The following RCAN1 variants were observed in gnomAD, a reference collection of about 807,000 sequenced individuals.
RCAN1 encodes the protein calcipressin-1.
Under a neutral mutation model 22.9 loss-of-function variants are expected in RCAN1, and 11 were observed. The observed-to-expected ratio is 0.48, with a 90% confidence interval of 0.30 to 0.79. The LOEUF is 0.79. Among genes scored for constraint, RCAN1 ranks in the 30% least tolerant of loss-of-function variants. RCAN1 has a pLI of 0.06. For synonymous variants in RCAN1, 136 were observed against 142.3 expected, an observed-to-expected ratio of 0.96 and a Z score of 0.32; for missense variants, 291 against 337.8, an observed-to-expected ratio of 0.86 and a Z score of 1.09.
chr21:34,607,731 C>T (rs1988573821), intron 1 of RCAN1, among the ~76,000 whole-genome samples: 1 of 152,128 alleles, frequency 6.6e-6, no homozygotes, highest in East Asian at 1.9e-4. Flanking sequence ...AAAAAGTTTC[C>T]AAATTAAAAA....
intron 1 of RCAN1, among the ~76,000 whole-genome samples, chr21:34,540,351 C>T (rs1472107716): frequency 6.6e-6 from 1 of 152,116 alleles, no homozygotes. Flanking sequence ...GTGCTGCCTA[C>T]GTATTGTTCA....
intron 1 of RCAN1, among the ~76,000 whole-genome samples, chr21:34,590,058 C>T (rs150260246): frequency 1.3e-5 from 2 of 152,370 alleles, no homozygotes; most frequent in East Asian, 3.9e-4. Context: ...TCTGTTCACA[C>T]TGGCTTCCTG....
intron 1 of RCAN1, among the ~76,000 whole-genome samples, chr21:34,589,819 G>A (rs111540916): frequency 1.6e-3 from 243 of 152,232 alleles, no homozygotes; most frequent in African/African-American, 5.6e-3. Context: ...GTGGTTCTCA[G>A]GCCTTTGGAC....
intron 3 of RCAN1, among the ~76,000 whole-genome samples, chr21:34,520,621 C>G (rs1252345264): frequency 1.3e-5 from 2 of 152,186 alleles, no homozygotes; most frequent in South Asian, 4.1e-4. Flanking sequence ...AGCTGACGGT[C>G]TCAGCATTTA....
chr21:34,606,850 G>A (rs1415739797), intron 1 of RCAN1, among the ~76,000 whole-genome samples: 1 of 152,164 alleles, frequency 6.6e-6, no homozygotes, highest in East Asian at 1.9e-4. Context: ...CTGGGACCTC[G>A]ACCTCAGACT....
At chr21:34,613,922 T>G in intron 1 of RCAN1, 1 of 1,250,122 alleles carries the variant, frequency 8.0e-7, no homozygotes, top group Admixed American at 3.2e-5. Context: ...ATGGGGCATC[T>G]CTCAAAGACC....
chr21:34,538,707 GC>G (rs1164900397), intron 1 of RCAN1, among the ~76,000 whole-genome samples: 3 of 152,182 alleles, frequency 2.0e-5, no homozygotes, highest in Non-Finnish European at 2.9e-5. Context: ...GGAGGACCGG[GC>G]CTTGATACCC....
intron 1 of RCAN1, among the ~76,000 whole-genome samples, chr21:34,549,968 C>G (rs557545588): frequency 6.6e-5 from 10 of 152,174 alleles, no homozygotes; most frequent in Admixed American, 3.3e-4. Flanking sequence ...GATGTGCCTG[C>G]TGGTGGTGGC....
chr21:34,549,376 C>T (rs1407876017), intron 1 of RCAN1, among the ~76,000 whole-genome samples: 2 of 152,160 alleles, frequency 1.3e-5, no homozygotes, highest in Non-Finnish European at 2.9e-5. Flanking sequence ...TCTTTTATAG[C>T]AACGTTCATT....
intron 1 of RCAN1, among the ~76,000 whole-genome samples, chr21:34,605,798 T>C (rs1366100845): frequency 6.6e-6 from 1 of 151,674 alleles, no homozygotes. Context: ...CAGGCACCTG[T>C]AATCCCAGCT....
rs142439410 is a variant in RCAN1 at position 34,532,984 on chromosome 21, G to A, written c.253-9274C>T. 5.8e-3 allele frequency among the ~76,000 whole-genome samples: 852 copies of A among 146,692 alleles called. 12 individuals are homozygous for A. The highest frequency in any genetic ancestry group is 0.02 in the African/African-American group (802 of 40,068). On this transcript the variant is annotated intron_variant, in intron 1 of 3. Transcript: ENST00000313806. The stretch of plus-strand genomic sequence containing the variant: ...TAAACTTTTTTTTTTTTTTTGAGAC[G>A]GAGTCTTGCTCTGTCGCCCAGGCTG...
intron 1 of RCAN1, among the ~76,000 whole-genome samples, chr21:34,594,495 T>C (rs1988082820): frequency 6.6e-6 from 1 of 152,118 alleles, no homozygotes; most frequent in Admixed American, 6.6e-5. Context: ...GAGGTTGCAT[T>C]GAGCCAAGAT....
chr21:34,601,584 C>A (rs1363656697), intron 1 of RCAN1, among the ~76,000 whole-genome samples: 1 of 152,098 alleles, frequency 6.6e-6, no homozygotes, highest in Admixed American at 6.5e-5. Flanking sequence ...TTTGGGAGGC[C>A]AAGGTGGGCG....
At chr21:34,601,418 A>G (rs566658816) in intron 1 of RCAN1, among the ~76,000 whole-genome samples, 1 of 152,338 alleles carries the variant, frequency 6.6e-6, no homozygotes, top group South Asian at 2.1e-4. Context: ...ACAGCTGGTT[A>G]CTGGCAGAAC....
intron 1 of RCAN1, among the ~76,000 whole-genome samples, chr21:34,591,058 T>C (rs1404766596): frequency 6.6e-6 from 1 of 152,158 alleles, no homozygotes; most frequent in Non-Finnish European, 1.5e-5. Flanking sequence ...ACAAAAATTA[T>C]TTTCCTCGTG....
At chr21:34,596,883 G>T (rs1368919113) in intron 1 of RCAN1, among the ~76,000 whole-genome samples, 1 of 152,148 alleles carries the variant, frequency 6.6e-6, no homozygotes, top group East Asian at 1.9e-4. Flanking sequence ...GCGAGGCTCG[G>T]GCCTGCTCAC....
At chr21:34,526,988 G>C in intron 1 of RCAN1, 1 of 1,320,402 alleles carries the variant, frequency 7.6e-7, no homozygotes, top group Non-Finnish European at 9.6e-7. Context: ...GTTTCTACTG[G>C]AAAGAGGTGA....
intron 2 of RCAN1, among the ~76,000 whole-genome samples, chr21:34,523,285 G>A (rs1046908145): frequency 1.3e-5 from 2 of 152,176 alleles, no homozygotes; most frequent in African/African-American, 4.8e-5. Context: ...CCAGTGAACA[G>A]GGAAGGCTTT....
rs944184885 is a variant in RCAN1, at chr21:34,614,674, G to A, written c.252+86C>T. ...CTGCCTCCCCGCCCCGCGCGCGGCC[G>A]GGACTGGGCGCTGCGACCCGCGCCG... On this transcript the variant is annotated intron_variant, in intron 1 of 3. Coordinates refer to ENST00000313806, the MANE Select transcript of RCAN1 (RefSeq NM_004414.7). This position sits in a 1 kb window ranked among gnomAD's most constrained non-coding sequence, Gnocchi z 6.0. 3.3e-6 allele frequency: 4 copies of A among 1,199,154 alleles called. No individual in the cohort carries two copies. Among genetic ancestry groups the A allele is most frequent in the East Asian group, 3.9e-5 (1 of 25,420 alleles). 74.3% of individuals were successfully genotyped at this position (1,199,154 alleles called of 1,614,324 possible).
Sources: allele counts gnomAD v4.1 joint callset (sites outside exome capture counted in the v4.1 genomes callset), GRCh38; gene constraint gnomAD v4.1.1; non-coding constraint Gnocchi (gnomAD v3.1); transcripts MANE v1.5; gene names NCBI Gene and HGNC (gene_info 2026-07-23, HGNC 2026-07-21).